The following PCLO variants were observed in gnomAD, a reference collection of about 807,000 sequenced individuals.
PCLO encodes protein piccolo.
Under a neutral mutation model 427.5 loss-of-function variants are expected in PCLO, and 82 were observed. That is an observed-to-expected ratio of 0.19 (90% CI 0.16 to 0.23). The LOEUF (loss-of-function observed/expected upper bound fraction) is 0.23. Ranked by LOEUF, PCLO falls within the 10% of genes least tolerant of loss-of-function variation. The probability of loss-of-function intolerance (pLI) is 1.00; values close to 1 mark genes in which losing one functional copy is unlikely to be tolerated. For missense variants in PCLO, 6,239 were observed against 6,115.9 expected, an observed-to-expected ratio of 1.02 and a Z score of -0.67; for synonymous variants, 2,357 against 2,155.4, an observed-to-expected ratio of 1.09 and a Z score of -2.59.
intron 3 of PCLO, among the ~76,000 whole-genome samples, chr7:82,980,093 A>C (rs993763521): frequency 1.3e-5 from 2 of 152,006 alleles, no homozygotes; most frequent in Non-Finnish European, 2.9e-5. Context: ...TGTTTGCCTC[A>C]GTCACCTGAA....
At chr7:82,864,490 A>G (rs1793043659) in intron 10 of PCLO, among the ~76,000 whole-genome samples, 1 of 152,156 alleles carries the variant, frequency 6.6e-6, no homozygotes, top group African/African-American at 2.4e-5. Context: ...CTAAAATTTT[A>G]TTTGGACTTA....
chr7:83,059,969 C>G (rs542938717), intron 3 of PCLO, among the ~76,000 whole-genome samples: 41 of 152,290 alleles, frequency 2.7e-4, no homozygotes, highest in Middle Eastern at 3.4e-3. Flanking sequence ...GAAACAAAAA[C>G]AGTCTAATGA....
chr7:82,999,789 A>G (rs1439242431), intron 3 of PCLO, among the ~76,000 whole-genome samples: 3 of 122,910 alleles, frequency 2.4e-5, no homozygotes, highest in Middle Eastern at 4.5e-3. Flanking sequence ...TTATATATAA[A>G]ATATAATATA....
At chr7:83,053,369 C>A (rs1159675180) in intron 3 of PCLO, among the ~76,000 whole-genome samples, 1 of 151,950 alleles carries the variant, frequency 6.6e-6, no homozygotes, top group Non-Finnish European at 1.5e-5. Context: ...TAAATGTAAG[C>A]AACCTGGAAT....
rs778215184 is a variant in PCLO, at chr7:83,134,288, T to C, written c.3262A>G (p.Asn1088Asp). 3.1e-5 allele frequency: 48 copies of C among 1,569,246 alleles called. No individual in the cohort carries two copies. Among genetic ancestry groups the C allele is most frequent in the South Asian group, 4.6e-5 (4 of 86,230 alleles). ...GGTGTAGGGTTAAATCCACAGAGAT[T>C]ACACACTTGATTCTTGCATTCAGTG... ...TCTECKNQVC[N>D]LCGFNPTPHL... Residue 1088 changes from asparagine to aspartate, a missense_variant, in exon 3 of 25, where the codon AAT becomes GAT. Physicochemically the swap from Asn to Asp is conservative, Grantham distance 23. Coordinates refer to ENST00000333891, the MANE Select transcript of PCLO (RefSeq NM_033026.6).
chr7:82,789,897 G>T (rs1394560157), intron 22 of PCLO, among the ~76,000 whole-genome samples: 2 of 152,034 alleles, frequency 1.3e-5, no homozygotes, highest in African/African-American at 4.8e-5. Context: ...ATTGCCCTCT[G>T]CTGTTAACAT....
intron 3 of PCLO, among the ~76,000 whole-genome samples, chr7:83,069,799 C>CACACACACACCCA (rs1554390633): frequency 1.3e-5 from 1 of 75,516 alleles, no homozygotes; most frequent in African/African-American, 5.7e-5. Context: ...ACCCCCCCGC[C>CACACACACACCCA]CACACACACA....
intron 3 of PCLO, among the ~76,000 whole-genome samples, chr7:83,035,941 A>C (rs1418143766): frequency 6.6e-6 from 1 of 152,162 alleles, no homozygotes; most frequent in Admixed American, 6.5e-5. Flanking sequence ...AGCTTGCTGA[A>C]GGCTATAAGG....
chr7:82,861,538 T>C (rs773241093), intron 10 of PCLO, among the ~76,000 whole-genome samples: 2 of 151,920 alleles, frequency 1.3e-5, no homozygotes, highest in Non-Finnish European at 2.9e-5. Flanking sequence ...GTAGGCTCCA[T>C]TACAATAATA....
At chr7:83,097,457 G>A (rs1002871781) in intron 3 of PCLO, among the ~76,000 whole-genome samples, 3 of 146,354 alleles carry the variant, frequency 2.0e-5, no homozygotes, top group Non-Finnish European at 4.5e-5. Context: ...GGGAGGCGGA[G>A]CTTGCAGTGA....
chr7:82,988,152 C>T (rs997525959), intron 3 of PCLO, among the ~76,000 whole-genome samples: 5 of 151,932 alleles, frequency 3.3e-5, no homozygotes, highest in African/African-American at 9.7e-5. Context: ...GTAGATGGGA[C>T]TACAGGCATG....
chr7:83,123,172 C>G (rs1791331728), intron 3 of PCLO, among the ~76,000 whole-genome samples: 1 of 152,016 alleles, frequency 6.6e-6, no homozygotes, highest in South Asian at 2.1e-4. Flanking sequence ...CCAAAGCCAT[C>G]CTGAGCAAAA....
chr7:83,142,441 T>A (rs187384825), intron 2 of PCLO, among the ~76,000 whole-genome samples: 1 of 152,308 alleles, frequency 6.6e-6, no homozygotes, highest in African/African-American at 2.4e-5. Context: ...CCAGTCAACT[T>A]TGGGCTCCTC....
In PCLO at chr7:82,951,332, T is replaced by A; in HGVS notation, c.9256A>T (p.Asn3086Tyr). 1 of 1,611,064 alleles carries A rather than the reference T, an allele frequency of 6.2e-7. No homozygotes were observed. Among genetic ancestry groups the A allele is most frequent in the Non-Finnish European group, 8.5e-7 (1 of 1,178,602 alleles). Residue 3086 changes from asparagine to tyrosine, a missense_variant, in exon 6 of 25, where the codon AAT becomes TAT. Asn to Tyr is a moderately radical substitution (Grantham distance 143). Around this residue, in one of 5 missense-constraint regions of PCLO, gnomAD observed 4,677 missense variants for 4,468.4 expected, o/e 1.05. Coordinates refer to ENST00000333891, the MANE Select transcript of PCLO (RefSeq NM_033026.6). ...GCTACTGAAGAATAGACAACACCAT[T>A]AGATGACCTCAAAACACTCCCCACA... Reference protein sequence around the residue: ...YCVGSVLRSSNGVVYSSVATP... With the variant: ...YCVGSVLRSSYGVVYSSVATP...
chr7:82,939,017 T>G (rs1351954000), intron 6 of PCLO, among the ~76,000 whole-genome samples: 3 of 152,168 alleles, frequency 2.0e-5, no homozygotes, highest in Non-Finnish European at 2.9e-5. Flanking sequence ...TTTTCAGCAG[T>G]CATTCCTTTG....
chr7:82,877,089 T>C (rs984879783), intron 10 of PCLO, among the ~76,000 whole-genome samples: 8 of 152,166 alleles, frequency 5.3e-5, no homozygotes, highest in African/African-American at 1.9e-4. Flanking sequence ...AAATCACAAA[T>C]ACAATTTTAG....
intron 3 of PCLO, among the ~76,000 whole-genome samples, chr7:83,118,739 C>T (rs779003811): frequency 6.6e-6 from 1 of 152,090 alleles, no homozygotes; most frequent in Non-Finnish European, 1.5e-5. Context: ...GACTAAAGTG[C>T]TCTAGGGTGC....
At chr7:82,784,647 G>A (rs1790944821) in intron 22 of PCLO, among the ~76,000 whole-genome samples, 1 of 152,062 alleles carries the variant, frequency 6.6e-6, no homozygotes, top group African/African-American at 2.4e-5. Flanking sequence ...AACCAGTCTT[G>A]AGTATTTACT....
Position 82,911,420 on chromosome 7 carries a change from G to A in PCLO, c.13301-2407C>T, listed in dbSNP as rs143340299. ...AAAAAATTCTGAATTAGTTCAAATC[G>A]TTTGAAGGAGACTAACAGTATTTTT... On this transcript the variant is annotated intron_variant, in intron 7 of 24. Transcript: ENST00000333891. Among the ~76,000 whole-genome samples, 92 of 151,574 alleles carry A rather than the reference G, an allele frequency of 6.1e-4. 1 individual carries two copies. In the East Asian group the frequency reaches 0.017, roughly 28 times the overall value.
Sources: gnomAD v4.1 joint callset for allele counts (sites outside exome capture counted in the v4.1 genomes callset) on GRCh38, gnomAD v4.1.1 for gene constraint, gnomAD v4.1.1 regional missense constraint, MANE v1.5 for transcripts, NCBI Gene and HGNC (gene_info 2026-07-23, HGNC 2026-07-21) for gene names.